The following PRKACB variants were observed in gnomAD, a reference collection of about 807,000 sequenced individuals.
PRKACB encodes the protein cAMP-dependent protein kinase catalytic subunit beta.
PRKACB carries 16 observed loss-of-function variants against 51.4 expected under a neutral mutation model. That is an observed-to-expected ratio of 0.31 (90% confidence interval 0.21 to 0.47). PRKACB has a LOEUF of 0.47. PRKACB is among the 20% of genes least tolerant of loss of function. The probability of loss-of-function intolerance (pLI) is 1.00; values close to 1 mark genes in which losing one functional copy is unlikely to be tolerated. For synonymous variants in PRKACB, 147 were observed against 154.4 expected (o/e 0.95, Z 0.35); for missense variants, 309 against 464.5 (o/e 0.67, Z 3.08).
chr1:84,135,055 G>T (rs1652658818), intron 1 of PRKACB, among the ~76,000 whole-genome samples: 1 of 152,088 alleles, frequency 6.6e-6, no homozygotes, highest in South Asian at 2.1e-4. Flanking sequence ...GAATAGGTAA[G>T]GTAAAAAGGA....
chr1:84,108,234 A>G (rs990600820), intron 1 of PRKACB, among the ~76,000 whole-genome samples: 2 of 152,044 alleles, frequency 1.3e-5, no homozygotes, highest in Non-Finnish European at 2.9e-5. Context: ...CAGAAAACCA[A>G]CTATCACATG....
intron 8 of PRKACB, among the ~76,000 whole-genome samples, chr1:84,209,391 G>A (rs1353459502): frequency 6.6e-6 from 1 of 151,410 alleles, no homozygotes; most frequent in Non-Finnish European, 1.5e-5. Flanking sequence ...CCCCCTCCAC[G>A]AAGCCTTCCC....
At chr1:84,187,926 T>A (rs1665654168) in intron 5 of PRKACB, among the ~76,000 whole-genome samples, 1 of 152,088 alleles carries the variant, frequency 6.6e-6, no homozygotes. Flanking sequence ...ACCCTTGAAG[T>A]CAGGCATTTT....
chr1:84,203,417 T>C (rs1229371742), intron 8 of PRKACB, among the ~76,000 whole-genome samples: 6 of 152,046 alleles, frequency 3.9e-5, no homozygotes, highest in Admixed American at 3.9e-4. Flanking sequence ...TTCATAAACC[T>C]TCCTTCTTTT....
chr1:84,164,894 T>C, intron 1 of PRKACB: 2 of 1,473,066 alleles, frequency 1.4e-6, no homozygotes, highest in Non-Finnish European at 1.8e-6. Context: ...TGCTGCATGC[T>C]CCAGTGTGTG....
intron 1 of PRKACB, among the ~76,000 whole-genome samples, chr1:84,107,408 T>C (rs1486204381): frequency 6.6e-6 from 1 of 152,122 alleles, no homozygotes. Flanking sequence ...GGAAATACCA[T>C]TTTGGACATA....
At chr1:84,158,333 G>A (rs145973286) in intron 1 of PRKACB, among the ~76,000 whole-genome samples, 87 of 152,154 alleles carry the variant, frequency 5.7e-4, no homozygotes, top group African/African-American at 1.9e-3. Context: ...CACTGCACCC[G>A]TCTTATCAGT....
chr1:84,106,395 C>G (rs1424068451), intron 1 of PRKACB, among the ~76,000 whole-genome samples: 1 of 152,160 alleles, frequency 6.6e-6, no homozygotes, highest in Non-Finnish European at 1.5e-5. Context: ...ATCTGATACA[C>G]AACTTCAACG....
chr1:84,103,214 A>G (rs1387124703), intron 1 of PRKACB, among the ~76,000 whole-genome samples: 2 of 152,198 alleles, frequency 1.3e-5, no homozygotes, highest in African/African-American at 4.8e-5. Flanking sequence ...ATCTAGAAGC[A>G]TAGCATATTT....
intron 8 of PRKACB, among the ~76,000 whole-genome samples, chr1:84,210,002 T>C (rs1671892506): frequency 6.6e-6 from 1 of 152,222 alleles, no homozygotes; most frequent in Non-Finnish European, 1.5e-5. Flanking sequence ...TCTGCCTTCA[T>C]GAAGCTTTCA....
chr1:84,143,285 C>G (rs879663427), upstream of PRKACB, among the ~76,000 whole-genome samples: 1 of 152,068 alleles, frequency 6.6e-6, no homozygotes, highest in Non-Finnish European at 1.5e-5. Flanking sequence ...AACCCCATCT[C>G]TACTGAAAAT....
At chr1:84,079,611 A>G (rs1647364641) in intron 1 of PRKACB, among the ~76,000 whole-genome samples, 1 of 152,210 alleles carries the variant, frequency 6.6e-6, no homozygotes, top group Non-Finnish European at 1.5e-5. Flanking sequence ...CCAAGAACAC[A>G]CAGCATGTTA....
chr1:84,118,265 TC>T (rs1228528562), intron 1 of PRKACB, among the ~76,000 whole-genome samples: 1 of 152,194 alleles, frequency 6.6e-6, no homozygotes, highest in Non-Finnish European at 1.5e-5. Context: ...CTGTGTGTTC[TC>T]CATTGTACTC....
At chr1:84,205,074 T>C in intron 8 of PRKACB, 2 of 982,160 alleles carry the variant, frequency 2.0e-6, no homozygotes, top group Non-Finnish European at 2.4e-6. Flanking sequence ...CCTTCATTTA[T>C]TTAGAAATAT....
chr1:84,084,130 A>G (rs1021418490), intron 1 of PRKACB, among the ~76,000 whole-genome samples: 2 of 152,314 alleles, frequency 1.3e-5, no homozygotes, highest in South Asian at 4.1e-4. Flanking sequence ...AAGGACTTCA[A>G]AGAGGAGTTG....
At chr1:84,115,870 G>GA (rs1429688584) in intron 1 of PRKACB, among the ~76,000 whole-genome samples, 1 of 28,508 alleles carries the variant, frequency 3.5e-5, no homozygotes, top group Non-Finnish European at 5.7e-5. Context: ...CAACAAGAGA[G>GA]AAAAAACTCT....
chr1:84,176,298 C>T (rs962234194), intron 1 of PRKACB, among the ~76,000 whole-genome samples: 1 of 151,588 alleles, frequency 6.6e-6, no homozygotes, highest in African/African-American at 2.4e-5. Context: ...AATTATCTGC[C>T]AACACTTTAT....
intron 5 of PRKACB, among the ~76,000 whole-genome samples, chr1:84,191,515 A>G (rs1376596086): frequency 1.3e-5 from 2 of 152,124 alleles, no homozygotes; most frequent in Non-Finnish European, 2.9e-5. Context: ...GAATGAAATC[A>G]TGTCCTTTGC....
chr1:84,180,183 GAT>G (rs3051182), intron 2 of PRKACB, among the ~76,000 whole-genome samples: 521 of 32,044 alleles, frequency 0.016, 64 homozygotes, highest in South Asian at 0.019. Flanking sequence ...AAGAAACTGT[GAT>G]ATATATATAT....
Sources: allele counts gnomAD v4.1 joint callset (sites outside exome capture counted in the v4.1 genomes callset), GRCh38; gene constraint gnomAD v4.1.1; transcripts MANE v1.5; gene names NCBI Gene and HGNC (gene_info 2026-07-23, HGNC 2026-07-21).